The following ELK3 variants were observed in gnomAD, a reference collection of about 807,000 sequenced individuals.
The protein encoded by ELK3 is ETS domain-containing protein Elk-3.
ELK3 carries 10 observed loss-of-function variants against 28.9 expected under a neutral mutation model. That is an observed-to-expected ratio of 0.35 (90% CI 0.21 to 0.59). The LOEUF is 0.59. Ranked by LOEUF, ELK3 falls within the 20% of genes least tolerant of loss-of-function variation. The pLI, the probability that ELK3 is intolerant of heterozygous loss-of-function variation, is 0.82. For synonymous variants in ELK3, 272 were observed against 243.5 expected (o/e 1.12, Z -1.09); for missense variants, 463 against 517.3 (o/e 0.90, Z 1.02).
intron 3 of ELK3, among the ~76,000 whole-genome samples, chr12:96,248,504 TAA>T (rs1207346720): frequency 6.6e-6 from 1 of 152,226 alleles, no homozygotes; most frequent in Non-Finnish European, 1.5e-5. Context: ...TGGCAGAGGT[TAA>T]AAGAGTATTC....
chr12:96,218,641 G>A (rs994967145), intron 1 of ELK3, among the ~76,000 whole-genome samples: 1 of 147,374 alleles, frequency 6.8e-6, no homozygotes, highest in South Asian at 2.2e-4. Flanking sequence ...GCAGGGGAAA[G>A]ATAAGCATTT....
At chr12:96,228,301 C>T (rs77259785) in intron 2 of ELK3, among the ~76,000 whole-genome samples, 434 of 151,328 alleles carry the variant, frequency 2.9e-3, no homozygotes, top group Non-Finnish European at 4.5e-3. Flanking sequence ...ACCTGTGGTC[C>T]CAGTTACTCC....
intron 4 of ELK3, among the ~76,000 whole-genome samples, chr12:96,263,232 C>A (rs78140523): frequency 0.052 from 7,887 of 152,158 alleles, 268 homozygotes; most frequent in Non-Finnish European, 0.064. Context: ...AGAGAAGACG[C>A]CTTTCTGGAA....
chr12:96,257,481 C>T (rs2032774), intron 3 of ELK3, among the ~76,000 whole-genome samples: 130,120 of 152,242 alleles, frequency 0.85, 55,888 homozygotes, highest in East Asian at 0.95. Flanking sequence ...CGTTTTAGAC[C>T]AGAGAAATAG....
At chr12:96,219,391 G>A (rs1465969957) in intron 1 of ELK3, among the ~76,000 whole-genome samples, 1 of 152,168 alleles carries the variant, frequency 6.6e-6, no homozygotes, top group Non-Finnish European at 1.5e-5. Context: ...TTGGAAGGGC[G>A]TACCTCCCAG....
At chr12:96,200,664 AT>A (rs573008425) in intron 1 of ELK3, among the ~76,000 whole-genome samples, 1 of 148,686 alleles carries the variant, frequency 6.7e-6, no homozygotes, top group South Asian at 2.1e-4. Flanking sequence ...CACCTGGCTA[AT>A]TTTTTTTTTC....
At chr12:96,219,924 C>G (rs1295878391) in intron 1 of ELK3, among the ~76,000 whole-genome samples, 1 of 152,158 alleles carries the variant, frequency 6.6e-6, no homozygotes, top group Non-Finnish European at 1.5e-5. Context: ...GAACGAGGCC[C>G]TCAGCACGGG....
chr12:96,219,811 T>C (rs1232193495), intron 1 of ELK3, among the ~76,000 whole-genome samples: 1 of 152,150 alleles, frequency 6.6e-6, no homozygotes, highest in African/African-American at 2.4e-5. Flanking sequence ...CTGAGTAATG[T>C]CTGGCTGCGA....
intron 2 of ELK3, among the ~76,000 whole-genome samples, chr12:96,244,766 C>G (rs900717248): frequency 6.6e-6 from 1 of 152,124 alleles, no homozygotes; most frequent in Admixed American, 6.5e-5. Context: ...GGAACTGACC[C>G]TGGGTCAGGT....
chr12:96,208,395 A>G lies in ELK3; in HGVS notation c.-3+13690A>G, dbSNP rs1325136996. Among the ~76,000 whole-genome samples, 3 of 152,346 alleles carry G rather than the reference A, an allele frequency of 2.0e-5. No homozygotes were observed. The East Asian group carries it at 5.8e-4, about 29-fold the overall frequency. ...GTGACTTAACCATCCAGAAATGATT[A>G]AGTTTACTTTGTTATTTTAAATTCT... On this transcript the variant is annotated intron_variant, in intron 1 of 4. Transcript: ENST00000228741.
chr12:96,243,145 T>C (rs1325522844), intron 2 of ELK3, among the ~76,000 whole-genome samples: 1 of 152,222 alleles, frequency 6.6e-6, no homozygotes, highest in Non-Finnish European at 1.5e-5. Context: ...TATGTTCTTT[T>C]CTTTAAAAAC....
At chr12:96,206,831 A>G (rs989890771) in intron 1 of ELK3, among the ~76,000 whole-genome samples, 1 of 152,200 alleles carries the variant, frequency 6.6e-6, no homozygotes, top group Non-Finnish European at 1.5e-5. Flanking sequence ...ACCAACAGCC[A>G]GTCTCTTCCA....
rs958789859 is a variant in ELK3, at chr12:96,236,688, T to G, written c.208-10252T>G. On this transcript the variant is annotated intron_variant, in intron 2 of 4. Coordinates refer to ENST00000228741, the MANE Select transcript of ELK3 (RefSeq NM_005230.4). ...GTACCATCGCAGTGGGAAGGGCTAGTTGCACCCCAGTGGCGGCCCCAGGCT... is the reference window on the plus strand; with the variant it reads ...GTACCATCGCAGTGGGAAGGGCTAGGTGCACCCCAGTGGCGGCCCCAGGCT... Among the ~76,000 whole-genome samples, 3 of 152,350 alleles carry G rather than the reference T, an allele frequency of 2.0e-5. No individual in the cohort carries two copies. In the South Asian group the frequency reaches 6.2e-4, roughly 32 times the overall value.
In ELK3 at chr12:96,214,931, T is replaced by TA. The variant is rs1279685809; in HGVS notation, c.-2-8633dup. ...TCATGACATGGAAATGCATAGCAGA[T>TA]ACTGGCAGAGGAGTTGAACTCAGCA... On this transcript the variant is annotated intron_variant, in intron 1 of 4. Coordinates refer to ENST00000228741, the MANE Select transcript of ELK3 (RefSeq NM_005230.4). Among the ~76,000 whole-genome samples the TA allele has an allele frequency of 3.3e-5, 5 of 152,358 alleles. No individual in the cohort carries two copies. In the South Asian group the frequency reaches 8.3e-4, roughly 25 times the overall value.
chr12:96,247,396 A>G lies in ELK3; in HGVS notation c.664A>G (p.Ile222Val), dbSNP rs377439921. 5.6e-5 allele frequency: 91 copies of G among 1,613,772 alleles called. No homozygotes were observed. In the African/African-American group the frequency reaches 1.2e-3, roughly 21 times the overall value. The part of the protein sequence containing the change: ...AFLASSVSAK[I>V]SSLMLPNAAS... ...CCTGGCCTCGTCCGTCTCGGCCAAG[A>G]TCTCCTCTTTAATGTTGCCAAACGC... Residue 222 changes from isoleucine to valine, a missense_variant, in exon 3 of 5, where the codon ATC becomes GTC. Around this residue, in one of 2 missense-constraint regions of ELK3, gnomAD observed 408 missense variants for 414.8 expected, o/e 0.98. Coordinates refer to ENST00000228741, the MANE Select transcript of ELK3 (RefSeq NM_005230.4). The surrounding 1 kb of genome is among the most constrained non-coding windows in gnomAD (Gnocchi z 5.5).
intron 3 of ELK3, among the ~76,000 whole-genome samples, chr12:96,255,914 G>T (rs1951944527): frequency 6.6e-6 from 1 of 152,164 alleles, no homozygotes; most frequent in Non-Finnish European, 1.5e-5. Context: ...TGACTCCCTA[G>T]ACCCCTAGGT....
intron 3 of ELK3, among the ~76,000 whole-genome samples, chr12:96,253,266 A>G (rs1480779087): frequency 1.3e-5 from 2 of 152,218 alleles, no homozygotes; most frequent in Admixed American, 6.5e-5. Context: ...CATCTCACCA[A>G]AAAAATAAAT....
intron 2 of ELK3, among the ~76,000 whole-genome samples, chr12:96,236,739 A>T (rs1157458925): frequency 6.6e-6 from 1 of 152,208 alleles, no homozygotes; most frequent in Admixed American, 6.5e-5. Flanking sequence ...CGCTGAACAG[A>T]GACAATTTTA....
chr12:96,261,789 A>G (rs1951994881), intron 4 of ELK3, among the ~76,000 whole-genome samples: 1 of 152,198 alleles, frequency 6.6e-6, no homozygotes, highest in Non-Finnish European at 1.5e-5. Context: ...CACTCCCAAC[A>G]GGAAATGATG....
Sources: allele counts gnomAD v4.1 joint callset (sites outside exome capture counted in the v4.1 genomes callset), GRCh38; gene constraint gnomAD v4.1.1; regional missense constraint gnomAD v4.1.1; non-coding constraint Gnocchi (gnomAD v3.1); transcripts MANE v1.5; gene names NCBI Gene and HGNC (gene_info 2026-07-23, HGNC 2026-07-21).